The following ALPK1 variants were observed in gnomAD, a reference collection of about 807,000 sequenced individuals.
ALPK1 encodes the protein alpha kinase 1.
ALPK1 carries 110 observed loss-of-function variants against 120.6 expected under a neutral mutation model. That is an observed-to-expected ratio of 0.91 (90% confidence interval 0.78 to 1.07). The LOEUF (loss-of-function observed/expected upper bound fraction) is 1.07. Ranked by LOEUF, ALPK1 falls within the 50% of genes least tolerant of loss-of-function variation. The pLI is 0.00. For missense variants in ALPK1, 1,498 were observed against 1,483.9 expected, an observed-to-expected ratio of 1.01 and a Z score of -0.16; for synonymous variants, 582 against 560.3, an observed-to-expected ratio of 1.04 and a Z score of -0.55.
intron 2 of ALPK1, among the ~76,000 whole-genome samples, chr4:112,324,510 C>T (rs1262003513): frequency 6.6e-6 from 1 of 151,968 alleles, no homozygotes; most frequent in African/African-American, 2.4e-5. Context: ...CAGGGTCTAA[C>T]TCTATTGTCC....
Position 112,430,200 on chromosome 4 carries a change from T to C in ALPK1, c.901-248T>C, listed in dbSNP as rs551718034. ...TATCAAAGATACAATAGGATGGTAA[T>C]TGAAGCTGATTTCTTACCCCTTCAT... On this transcript the variant is annotated intron_variant, in intron 10 of 15. Coordinates refer to ENST00000650871, the MANE Select transcript of ALPK1 (RefSeq NM_025144.4). Among the ~76,000 whole-genome samples the C allele has an allele frequency of 2.0e-3, 298 of 152,318 alleles. 2 individuals carry two copies. Among genetic ancestry groups the C allele is most frequent in the African/African-American group, 6.9e-3 (286 of 41,572 alleles).
intron 5 of ALPK1, among the ~76,000 whole-genome samples, chr4:112,423,258 C>T (rs1734076856): frequency 6.6e-6 from 1 of 152,090 alleles, no homozygotes; most frequent in Admixed American, 6.5e-5. Flanking sequence ...ATTGTAAATA[C>T]AAAAACTCTG....
chr4:112,381,524 CA>C (rs1173003139), intron 3 of ALPK1, among the ~76,000 whole-genome samples: 1 of 152,174 alleles, frequency 6.6e-6, no homozygotes, highest in African/African-American at 2.4e-5. Flanking sequence ...ACCCTGGCAT[CA>C]CATGTGTACT....
chr4:112,418,728 G>A, intron 5 of ALPK1, among the ~76,000 whole-genome samples: 1 of 121,916 alleles, frequency 8.2e-6, no homozygotes, highest in African/African-American at 3.3e-5. Context: ...GGAACTGAAA[G>A]ATGATAAGTT....
At chr4:112,301,410 T>C (rs949028814) in intron 1 of ALPK1, among the ~76,000 whole-genome samples, 1 of 152,228 alleles carries the variant, frequency 6.6e-6, no homozygotes, top group African/African-American at 2.4e-5. Context: ...AAGGCGCAGC[T>C]TGCCAGGGCA....
chr4:112,336,697 A>G (rs975686112), intron 2 of ALPK1, among the ~76,000 whole-genome samples: 1 of 152,128 alleles, frequency 6.6e-6, no homozygotes, highest in African/African-American at 2.4e-5. Context: ...TTCTATAGTT[A>G]TCTTTTTTGT....
chr4:112,438,785 G>C (rs1734901386), intron 13 of ALPK1, 139 bp downstream of exon 13: 2 of 920,386 alleles, frequency 2.2e-6, no homozygotes, highest in Non-Finnish European at 3.3e-6. Flanking sequence ...CTTTCCAAGA[G>C]AGAAAGAACC....
chr4:112,372,090 T>C (rs558290451), intron 2 of ALPK1, among the ~76,000 whole-genome samples: 1 of 152,348 alleles, frequency 6.6e-6, no homozygotes, highest in Admixed American at 6.5e-5. Context: ...TTGTGTGCAT[T>C]CGTTTCCTAT....
Position 112,430,815 on chromosome 4 carries a change from G to A in ALPK1, c.1268G>A (p.Ser423Asn). ...GTGAAGGAACATTTACAAGTTCAAA[G>A]CTTCTCAAATGTAGATGACAGATCT... is the stretch of plus-strand genomic sequence containing the variant. ...AQVKEHLQVQ[S>N]FSNVDDRSYV... is the part of the protein sequence containing the mutation. The change falls in exon 11 of 16, where the codon AGC (serine) becomes AAC (asparagine). Residue 423 changes from serine (S) to asparagine (N), a missense_variant. Physicochemically the swap from Ser to Asn is conservative, Grantham distance 46. Transcript: ENST00000650871. 1 of 1,614,222 alleles carries A rather than the reference G, an allele frequency of 6.2e-7. No individual in the cohort carries two copies. The highest frequency in any genetic ancestry group is 8.5e-7 in the Non-Finnish European group (1 of 1,180,046).
chr4:112,333,969 TTTTA>T (rs995796706), intron 2 of ALPK1, among the ~76,000 whole-genome samples: 4 of 152,086 alleles, frequency 2.6e-5, no homozygotes, highest in South Asian at 4.1e-4. Context: ...TAGGCTTTAT[TTTTA>T]TTTATTTTTT....
At chr4:112,304,461 A>C (rs888048688) in intron 1 of ALPK1, among the ~76,000 whole-genome samples, 1 of 152,036 alleles carries the variant, frequency 6.6e-6, no homozygotes, top group Non-Finnish European at 1.5e-5. Flanking sequence ...GTGAGATGGT[A>C]CCTCATTGTG....
In ALPK1 at chr4:112,368,828, A is replaced by G. The variant is rs191395098; in HGVS notation, c.-100-8850A>G. On this transcript the variant is annotated intron_variant, in intron 2 of 15. Transcript: ENST00000650871. ...AGCTCACTCTTATACTGAAGGTGCG[A>G]CCTTTTAGGATCTCAGTTTTATGCA... Among the ~76,000 whole-genome samples, 831 of 152,226 alleles carry G rather than the reference A, an allele frequency of 5.5e-3. 2 individuals are homozygous for G. Among genetic ancestry groups the G allele is most frequent in the Non-Finnish European group, 9.5e-3 (647 of 68,014 alleles).
chr4:112,314,466 A>G (rs560259150), intron 1 of ALPK1, among the ~76,000 whole-genome samples: 1 of 152,296 alleles, frequency 6.6e-6, no homozygotes, highest in East Asian at 1.9e-4. Flanking sequence ...GATTGATGAT[A>G]ACAAAATTTA....
rs574412699 is a variant in ALPK1 at position 112,358,334 on chromosome 4, C to T, written c.-100-19344C>T. ...CATCCAAGACGTAGCCCAGTTCTTCCGTGTTGCTGAGCGAACTATGCCAGC... is the reference window on the plus strand; with the variant it reads ...CATCCAAGACGTAGCCCAGTTCTTCTGTGTTGCTGAGCGAACTATGCCAGC... On this transcript the variant is annotated intron_variant, in intron 2 of 15. Coordinates refer to ENST00000650871, the MANE Select transcript of ALPK1 (RefSeq NM_025144.4). 22 of 595,262 alleles carry T rather than the reference C, an allele frequency of 3.7e-5. No homozygotes were observed. The East Asian group carries it at 4.3e-4, about 12-fold the overall frequency. 36.9% of individuals were successfully genotyped at this position (595,262 alleles called of 1,614,324 possible).
intron 3 of ALPK1, among the ~76,000 whole-genome samples, chr4:112,380,285 A>T (rs1731841821): frequency 6.6e-6 from 1 of 152,208 alleles, no homozygotes; most frequent in Non-Finnish European, 1.5e-5. Flanking sequence ...AGTGGCTGTA[A>T]GAGGGTCAGG....
Position 112,427,648 on chromosome 4 carries a change from A to C in ALPK1, c.778A>C (p.Asn260His). 1 of 1,612,686 alleles carries C rather than the reference A, an allele frequency of 6.2e-7. No individual in the cohort carries two copies. Among genetic ancestry groups the C allele is most frequent in the Non-Finnish European group, 8.5e-7 (1 of 1,178,706 alleles). Residue 260 changes from asparagine to histidine, a missense_variant, in exon 9 of 16, where the codon AAT becomes CAT. Physicochemically the swap from Asn to His is moderately conservative, Grantham distance 68 (BLOSUM62 1). Transcript: ENST00000650871. ...SKNDYEKFKN[N>H]PQINLSLLKE... ...GAACGATTATGAAAAGTTTAAAAAC[A>C]ATCCACAAATTAATTTGGTAATTAT...
chr4:112,320,897 C>CTTTTTTTTT (rs397941407), intron 2 of ALPK1, among the ~76,000 whole-genome samples: 2 of 123,632 alleles, frequency 1.6e-5, no homozygotes, highest in Admixed American at 9.1e-5. Flanking sequence ...CCATTTCTTT[C>CTTTTTTTTT]TTTTTTTTTT....
In ALPK1 at chr4:112,442,189, A is replaced by G. The variant is rs1735064936; in HGVS notation, c.*979A>G. On this transcript the variant is annotated 3_prime_UTR_variant, in exon 16 of 16. Coordinates refer to ENST00000650871, the MANE Select transcript of ALPK1 (RefSeq NM_025144.4). ...GGAAAAACTGCCTCAATTACCTCCTACCAGGTCCTTCCCATGACACATGGG... is the reference window on the plus strand; with the variant it reads ...GGAAAAACTGCCTCAATTACCTCCTGCCAGGTCCTTCCCATGACACATGGG... The G allele has an allele frequency of 6.6e-6, 1 of 152,134 alleles. No individual in the cohort carries two copies. The highest frequency in any genetic ancestry group is 2.4e-5 in the African/African-American group (1 of 41,408). The allele number at this position is 152,134 out of a possible 1,614,324, so 9.4% of individuals were successfully genotyped here.
chr4:112,356,292 C>A, intron 2 of ALPK1: 1 of 1,069,022 alleles, frequency 9.4e-7, no homozygotes, highest in Non-Finnish European at 1.5e-6. Context: ...CTCCTGTGCA[C>A]CACCCTGGCC....
Sources: allele counts gnomAD v4.1 joint callset (sites outside exome capture counted in the v4.1 genomes callset), GRCh38; gene constraint gnomAD v4.1.1; transcripts MANE v1.5; gene names NCBI Gene and HGNC (gene_info 2026-07-23, HGNC 2026-07-21).